The following VPS13C variants were observed in gnomAD, a reference collection of about 807,000 sequenced individuals.
The protein encoded by VPS13C is vacuolar protein sorting 13 homolog C, also known as intermembrane lipid transfer protein VPS13C.
VPS13C carries 358 observed loss-of-function variants against 456.8 expected under a neutral mutation model. The ratio of observed to expected loss-of-function variants is 0.78; its 90% CI spans 0.72 to 0.86. VPS13C has a LOEUF of 0.86. Ranked by LOEUF, VPS13C falls within the 40% of genes least tolerant of loss-of-function variation. The pLI is 0.00. For synonymous variants in VPS13C, 1,578 were observed against 1,486.7 expected (o/e 1.06, Z -1.41); for missense variants, 4,818 against 4,385.4 (o/e 1.10, Z -2.79).
chr15:61,916,060 A>T (rs1453326061), intron 60 of VPS13C, 38 bp from the exon 61 acceptor site: 1 of 1,519,334 alleles, frequency 6.6e-7, no homozygotes, highest in African/African-American at 1.4e-5. Flanking sequence ...AACTTTTTAA[A>T]AACTCTGAAA....
intron 82 of VPS13C, 103 bp downstream of exon 82, chr15:61,863,337 T>G: frequency 1.3e-6 from 1 of 796,180 alleles, no homozygotes; most frequent in Non-Finnish European, 2.0e-6. Flanking sequence ...CTTTGGAGAA[T>G]TTTAAGTACA....
chr15:61,867,885 A>G lies in VPS13C; in HGVS notation c.10863+774T>C. On this transcript the variant is annotated intron_variant, in intron 81 of 84. Coordinates refer to ENST00000644861, the MANE Select transcript of VPS13C (RefSeq NM_020821.3). The surrounding 1 kb of genome is among the most constrained non-coding windows in gnomAD (Gnocchi z 5.0). ...TCAATTAACACCACAGTTTGTTTTGATTTTTAAGGATGAAATCAAGTAGTA... is the reference window on the plus strand; with the variant it reads ...TCAATTAACACCACAGTTTGTTTTGGTTTTTAAGGATGAAATCAAGTAGTA... 6.2e-7 allele frequency: 1 copy of G among 1,602,628 alleles called. No homozygotes were observed. Among genetic ancestry groups the G allele is most frequent in the Non-Finnish European group, 8.5e-7 (1 of 1,174,644 alleles).
Position 61,919,418 on chromosome 15 carries a change from G to A in VPS13C, c.7509C>T (p.Ile2503=). ...VPHGYTEVAN[I]PVARPGRRLY... ...ATCGCCGTCCAGGTCTGGCCACAGG[G>A]ATATTTGCAACTTCTGTATATCCAT... Residue 2503 remains isoleucine, a synonymous_variant, in exon 58 of 85, where the codon ATC becomes ATT. Coordinates refer to ENST00000644861, the MANE Select transcript of VPS13C (RefSeq NM_020821.3). The A allele has an allele frequency of 1.3e-6, 2 of 1,589,840 alleles. No individual in the cohort carries two copies. Among genetic ancestry groups the A allele is most frequent in the Middle Eastern group, 1.7e-4 (1 of 6,014 alleles).
intron 14 of VPS13C, among the ~76,000 whole-genome samples, chr15:62,008,222 C>T (rs1417882412): frequency 6.6e-6 from 1 of 151,796 alleles, no homozygotes; most frequent in Admixed American, 6.6e-5. Flanking sequence ...CAGAGCAAGA[C>T]TCTGTCTCAA....
chr15:62,018,141 C>A (rs1002361562), intron 9 of VPS13C, among the ~76,000 whole-genome samples: 1 of 152,082 alleles, frequency 6.6e-6, no homozygotes, highest in Non-Finnish European at 1.5e-5. Flanking sequence ...GATTTTGTAT[C>A]CTGAGACTTT....
At chr15:61,987,210 C>CT (rs1308870567) in intron 18 of VPS13C, among the ~76,000 whole-genome samples, 1 of 147,462 alleles carries the variant, frequency 6.8e-6, no homozygotes, top group Non-Finnish European at 1.5e-5. Flanking sequence ...CCAAAACACT[C>CT]TTAAAAAAAA....
chr15:62,037,450 A>G (rs1160394597), intron 3 of VPS13C, among the ~76,000 whole-genome samples: 2 of 50,512 alleles, frequency 4.0e-5, no homozygotes, highest in Non-Finnish European at 4.9e-5. Context: ...TATTAAATAA[A>G]TATATAAATA....
At chr15:61,925,581 T>C in intron 52 of VPS13C, 33 bp from the exon 53 acceptor site, 3 of 1,470,380 alleles carry the variant, frequency 2.0e-6, no homozygotes, top group Non-Finnish European at 2.8e-6. Flanking sequence ...CACATTTCCA[T>C]AGATCCATTA....
intron 8 of VPS13C, among the ~76,000 whole-genome samples, chr15:62,021,018 T>C (rs974029315): frequency 2.6e-5 from 4 of 151,924 alleles, no homozygotes; most frequent in Non-Finnish European, 4.4e-5. Context: ...CTGGAGGCCA[T>C]TATCTTAAGT....
At chr15:61,971,344 C>A (rs917240712) in intron 27 of VPS13C, among the ~76,000 whole-genome samples, 1 of 152,186 alleles carries the variant, frequency 6.6e-6, no homozygotes, top group African/African-American at 2.4e-5. Flanking sequence ...TCACTGCAAC[C>A]TTTACCTCCC....
At chr15:61,953,063 T>A (rs1218304096) in intron 38 of VPS13C, among the ~76,000 whole-genome samples, 1 of 151,756 alleles carries the variant, frequency 6.6e-6, no homozygotes, top group Non-Finnish European at 1.5e-5. Context: ...AGCAAAAACA[T>A]AACCTCTATA....
At chr15:61,919,534 G>T (rs1003035620) in intron 57 of VPS13C, 85 bp from the exon 58 acceptor site, 4 of 1,291,592 alleles carry the variant, frequency 3.1e-6, no homozygotes, top group African/African-American at 3.1e-5. Context: ...TCAAAATAAT[G>T]AAGAGTATTT....
At chr15:62,003,299 C>T (rs1203128927) in intron 15 of VPS13C, among the ~76,000 whole-genome samples, 1 of 150,932 alleles carries the variant, frequency 6.6e-6, no homozygotes, top group African/African-American at 2.5e-5. Context: ...TGGGAATTCA[C>T]TCATGATTTG....
chr15:61,943,090 T>G (rs528135459), intron 45 of VPS13C, among the ~76,000 whole-genome samples: 1 of 152,106 alleles, frequency 6.6e-6, no homozygotes, highest in African/African-American at 2.4e-5. Flanking sequence ...CAAAGAGAAC[T>G]AGGAAACACT....
intron 50 of VPS13C, 75 bp from the exon 51 acceptor site, chr15:61,929,823 T>C: frequency 4.4e-6 from 6 of 1,349,308 alleles, no homozygotes; most frequent in Non-Finnish European, 6.0e-6. Context: ...CCTATATACC[T>C]CAATAATCTT....
chr15:61,934,214 C>T lies in VPS13C; in HGVS notation c.5868+5G>A. 6.5e-7 allele frequency: 1 copy of T among 1,547,796 alleles called. No homozygotes were observed. The highest frequency in any genetic ancestry group is 1.2e-5 in the South Asian group (1 of 81,678). ...TATTTCTAATTACAGAAATGTATTA[C>T]ATACCTGGTTGATATCATTGTTATA... On this transcript the variant is annotated splice_donor_5th_base_variant and intron_variant, in intron 49 of 84. Transcript: ENST00000644861.
Position 61,920,048 on chromosome 15 carries a change from G to A in VPS13C, c.7477+19C>T. ...CAACAACTGCTAAGATACCCTTAAG[G>A]AAAACAAATATAGCCTACCAATGGT... On this transcript the variant is annotated intron_variant, in intron 57 of 84. Transcript: ENST00000644861. 6.4e-7 allele frequency: 1 copy of A among 1,554,520 alleles called. No homozygotes were observed. Among genetic ancestry groups the A allele is most frequent in the Non-Finnish European group, 8.7e-7 (1 of 1,145,000 alleles).
rs1596360898 is a variant in VPS13C, at chr15:61,941,883, A to G, written c.5333T>C (p.Ile1778Thr). The change falls in exon 46 of 85, where the codon ATA (isoleucine) becomes ACA (threonine). Residue 1778 changes from isoleucine to threonine, a missense_variant. Ile to Thr is a moderately conservative substitution (Grantham distance 89). This residue lies in a region of VPS13C where 4,552 missense variants were observed against 4,130.6 expected (regional missense o/e 1.10). Transcript: ENST00000644861. The stretch of plus-strand genomic sequence containing the variant: ...AACTCTGATTAAACCCAGATCTGCT[A>G]TAACAGCATTAGGTGATACTGAAGA... ...PQSSVSPNAV[I>T]ADLGLIRVEN... The G allele has an allele frequency of 1.2e-6, 2 of 1,614,058 alleles. No individual in the cohort carries two copies. Among genetic ancestry groups the G allele is most frequent in the East Asian group, 4.5e-5 (2 of 44,862 alleles).
chr15:62,002,475 T>C (rs2046663038), intron 15 of VPS13C, among the ~76,000 whole-genome samples: 1 of 152,230 alleles, frequency 6.6e-6, no homozygotes, highest in African/African-American at 2.4e-5. Context: ...AGGTTGCCTG[T>C]TCACTCTGAT....
Sources: allele counts gnomAD v4.1 joint callset (sites outside exome capture counted in the v4.1 genomes callset), GRCh38; gene constraint gnomAD v4.1.1; regional missense constraint gnomAD v4.1.1; non-coding constraint Gnocchi (gnomAD v3.1); transcripts MANE v1.5; gene names NCBI Gene and HGNC (gene_info 2026-07-23, HGNC 2026-07-21).